Variants in FAAH2 observed in about 807,000 individuals in gnomAD.
FAAH2 encodes fatty-acid amide hydrolase 2.
In FAAH2, 60 loss-of-function variants were observed where a neutral mutation model predicts 36.9. That is an observed-to-expected ratio of 1.63 (90% confidence interval 1.32 to 2.02). The LOEUF (loss-of-function observed/expected upper bound fraction) is 2.02, where lower values mean the gene tolerates loss of function less well. FAAH2 is among the 30% of genes most tolerant of loss of function. The pLI, the probability that FAAH2 is intolerant of heterozygous loss-of-function variation, is 0.00. For missense variants in FAAH2, 689 were observed against 397.5 expected (o/e 1.73, Z -6.23); for synonymous variants, 214 against 143.8 (o/e 1.49, Z -3.49).
At chrX:57,399,448 TC>T (rs2055381110) in intron 7 of FAAH2, among the ~76,000 whole-genome samples, 1 of 112,191 alleles carries the variant, frequency 8.9e-6, no homozygotes, top group South Asian at 3.7e-4. Context: ...GGAAACTATG[TC>T]CTTGTGAGGT....
the FAAH2 span, among the ~76,000 whole-genome samples, chrX:57,262,638 C>A: frequency 9.0e-6 from 1 of 111,193 alleles, no homozygotes; most frequent in African/African-American, 3.3e-5. Flanking sequence ...ACTCTGATAA[C>A]AAATCTAAAT....
the FAAH2 span, among the ~76,000 whole-genome samples, chrX:57,257,953 C>T: frequency 1.8e-5 from 2 of 111,688 alleles, no homozygotes; most frequent in Non-Finnish European, 3.8e-5. Flanking sequence ...ATCATTCTTA[C>T]AGAAATAGAA....
the FAAH2 span, among the ~76,000 whole-genome samples, chrX:57,251,576 A>G: frequency 1.8e-5 from 2 of 112,160 alleles, no homozygotes; most frequent in Admixed American, 9.5e-5. Flanking sequence ...TGCAGGTGAC[A>G]TGATCTTATA....
the FAAH2 span, among the ~76,000 whole-genome samples, chrX:57,185,488 C>CTGCGTG: frequency 7.4e-5 from 7 of 93,996 alleles, no homozygotes; most frequent in Middle Eastern, 4.7e-3. Flanking sequence ...CTCTCTGTCT[C>CTGCGTG]TGTGTGTGTG....
intron 8 of FAAH2, among the ~76,000 whole-genome samples, chrX:57,439,162 C>T (rs1201495397): frequency 9.1e-6 from 1 of 109,831 alleles, no homozygotes; most frequent in African/African-American, 3.3e-5. Flanking sequence ...TTCTAGATCC[C>T]TGAGGAATCA....
At chrX:57,188,615 G>A in the FAAH2 span, among the ~76,000 whole-genome samples, 1 of 110,261 alleles carries the variant, frequency 9.1e-6, no homozygotes, top group Admixed American at 9.7e-5. Context: ...TTTGTTTGCT[G>A]TTGCTCCTGT....
chrX:57,371,299 C>A (rs908328823), intron 5 of FAAH2, among the ~76,000 whole-genome samples: 6 of 111,417 alleles, frequency 5.4e-5, no homozygotes, highest in Non-Finnish European at 1.1e-4. Context: ...AACTCTATGT[C>A]CATGTGTACA....
At chrX:57,252,948 C>T in the FAAH2 span, among the ~76,000 whole-genome samples, 1 of 111,457 alleles carries the variant, frequency 9.0e-6, no homozygotes, top group African/African-American at 3.3e-5. Flanking sequence ...TTCAGAAGGT[C>T]GGTAATCACA....
Position 57,446,932 on chromosome X carries a change from C to G in FAAH2, c.1121C>G (p.Pro374Arg), listed in dbSNP as rs764317291. 6.7e-6 allele frequency: 8 copies of G among 1,199,381 alleles called. No homozygotes were observed. The East Asian group carries it at 1.8e-4, about 27-fold the overall frequency. ...MSAKGHDGKE[P>R]VKFVDLLGDH... ...ATTTCTTTCCTTCAATCTCAGGAAC[C>G]TGTGAAATTTGTAGATTTGCTTGGT... Residue 374 changes from proline (P) to arginine (R), a missense_variant, in exon 9 of 11, where the codon CCT becomes CGT. Transcript: ENST00000374900.
At chrX:57,168,867 G>A in the FAAH2 span, among the ~76,000 whole-genome samples, 1 of 112,097 alleles carries the variant, frequency 8.9e-6, no homozygotes, top group East Asian at 2.8e-4. Flanking sequence ...AAAACTCTAT[G>A]GGTTTTGACA....
chrX:57,207,822 G>A, the FAAH2 span, among the ~76,000 whole-genome samples: 3 of 112,667 alleles, frequency 2.7e-5, no homozygotes, highest in Non-Finnish European at 5.6e-5. Flanking sequence ...GGTGCAGAAG[G>A]CTCACAGCTT....
At chrX:57,335,105 A>G (rs749571369) in intron 4 of FAAH2, among the ~76,000 whole-genome samples, 1 of 112,321 alleles carries the variant, frequency 8.9e-6, no homozygotes, top group East Asian at 2.8e-4. Flanking sequence ...TTGAAGTAAA[A>G]CATTCCTCAT....
At chrX:57,131,207 TC>T in the FAAH2 span, among the ~76,000 whole-genome samples, 2 of 105,977 alleles carry the variant, frequency 1.9e-5, no homozygotes, top group Non-Finnish European at 3.9e-5. Flanking sequence ...TGCCTCAGCC[TC>T]CCGAGTAGCT....
At chrX:57,237,528 G>A in the FAAH2 span, among the ~76,000 whole-genome samples, 2 of 110,068 alleles carry the variant, frequency 1.8e-5, no homozygotes, top group Admixed American at 1.9e-4. Context: ...ATTTATTTTG[G>A]TGAAGAGAAA....
At chrX:57,175,278 G>A in the FAAH2 span, among the ~76,000 whole-genome samples, 29 of 111,193 alleles carry the variant, frequency 2.6e-4, no homozygotes, top group South Asian at 6.4e-3. Context: ...TATATAATTA[G>A]GATTGTAATA....
the FAAH2 span, among the ~76,000 whole-genome samples, chrX:57,131,840 A>AG: frequency 6.2e-5 from 7 of 112,038 alleles, no homozygotes; most frequent in Non-Finnish European, 1.3e-4. Context: ...GGAAAAAAAA[A>AG]CTTTTGAATT....
the FAAH2 span, among the ~76,000 whole-genome samples, chrX:57,122,982 G>A: frequency 2.7e-5 from 3 of 111,082 alleles, no homozygotes; most frequent in African/African-American, 9.8e-5. Flanking sequence ...TTCAGTGAGG[G>A]CTTTTTATTT....
intron 10 of FAAH2, among the ~76,000 whole-genome samples, chrX:57,484,884 G>A (rs1429699620): frequency 9.0e-6 from 1 of 111,219 alleles, no homozygotes. Flanking sequence ...CCTGGGTTGA[G>A]CCAGCCCAGA....
At chrX:57,472,223 A>C (rs1405448066) in intron 10 of FAAH2, among the ~76,000 whole-genome samples, 1 of 112,219 alleles carries the variant, frequency 8.9e-6, no homozygotes, top group South Asian at 3.7e-4. Context: ...CAATGGCAAC[A>C]AAAGCCACAA....
Sources: allele counts gnomAD v4.1 joint callset (sites outside exome capture counted in the v4.1 genomes callset), GRCh38; gene constraint gnomAD v4.1.1; transcripts MANE v1.5; gene names NCBI Gene and HGNC (gene_info 2026-07-23, HGNC 2026-07-21).